Variants in HMGA2 observed in about 807,000 individuals in gnomAD.
HMGA2 encodes the protein high mobility group protein HMGI-C.
In HMGA2, 8 loss-of-function variants were observed where a neutral mutation model predicts 19.1. The observed-to-expected ratio is 0.42, with a 90% CI of 0.25 to 0.76. The LOEUF (loss-of-function observed/expected upper bound fraction) is 0.76. HMGA2 is among the 30% of genes least tolerant of loss of function. The pLI, the probability that HMGA2 is intolerant of heterozygous loss-of-function variation, is 0.28. For missense variants in HMGA2, 109 were observed against 136.3 expected, an observed-to-expected ratio of 0.80 and a Z score of 1.00; for synonymous variants, 60 against 48.8, an observed-to-expected ratio of 1.23 and a Z score of -0.96.
intron 3 of HMGA2, chr12:65,876,774 C>T (rs1873058567): frequency 6.6e-6 from 1 of 152,186 alleles, no homozygotes; most frequent in Admixed American, 6.5e-5. Flanking sequence ...CTCCGGAAAC[C>T]ATACCCCATA....
At chr12:65,946,071 T>G (rs1347024442) in intron 3 of HMGA2, among the ~76,000 whole-genome samples, 1 of 152,210 alleles carries the variant, frequency 6.6e-6, no homozygotes. Context: ...TCCTGTGAGA[T>G]GCTATTTTGT....
intron 3 of HMGA2, among the ~76,000 whole-genome samples, chr12:65,916,220 T>C (rs1875095897): frequency 6.6e-6 from 1 of 152,214 alleles, no homozygotes; most frequent in Non-Finnish European, 1.5e-5. Flanking sequence ...GCTGGTTCCA[T>C]GTTCAGTAAC....
rs1872809989 is a variant in HMGA2, at chr12:65,873,447, T to C, written c.249+34878T>C. ...AGTGTAGATGGCTATAGATAGTCAT[T>C]CATGAAGTCAAATGCACCAGTGGGA... is the stretch of plus-strand genomic sequence containing the variant. On this transcript the variant is annotated intron_variant, in intron 3 of 4. Coordinates refer to ENST00000403681, the MANE Select transcript of HMGA2 (RefSeq NM_003483.6). Among the ~76,000 whole-genome samples the C allele has an allele frequency of 2.0e-5, 3 of 152,160 alleles. No homozygotes were observed. The South Asian group carries it at 6.2e-4, about 32-fold the overall frequency.
chr12:65,928,833 T>G (rs1875607936), intron 3 of HMGA2, among the ~76,000 whole-genome samples: 2 of 152,240 alleles, frequency 1.3e-5, no homozygotes, highest in Admixed American at 6.5e-5. Flanking sequence ...CAGTTCATTG[T>G]TGAGTGAAAC....
intron 3 of HMGA2, chr12:65,873,913 A>T (rs957342630): frequency 6.6e-6 from 1 of 152,168 alleles, no homozygotes; most frequent in Non-Finnish European, 1.5e-5. Context: ...AAAATCAGAC[A>T]CCAAAAAAGG....
intron 3 of HMGA2, among the ~76,000 whole-genome samples, chr12:65,892,866 A>C (rs1873969164): frequency 1.3e-5 from 2 of 152,194 alleles, no homozygotes; most frequent in African/African-American, 4.8e-5. Flanking sequence ...GGCTGACTTC[A>C]AGCACAATTA....
intron 3 of HMGA2, chr12:65,858,903 A>C (rs1234892426): frequency 1.3e-5 from 2 of 152,220 alleles, no homozygotes; most frequent in African/African-American, 4.8e-5. Context: ...TTTTTGAAGA[A>C]ACACTCTTAA....
intron 3 of HMGA2, among the ~76,000 whole-genome samples, chr12:65,922,751 A>C (rs538555240): frequency 6.6e-6 from 1 of 152,272 alleles, no homozygotes; most frequent in South Asian, 2.1e-4. Context: ...TGTCAACTCA[A>C]ATTGTAGCTC....
At chr12:65,949,221 G>A (rs189348719) in intron 3 of HMGA2, among the ~76,000 whole-genome samples, 97 of 151,762 alleles carry the variant, frequency 6.4e-4, no homozygotes, top group Admixed American at 1.2e-3. Context: ...ATGGAAGAAC[G>A]TCTTTTCCTT....
At chr12:65,891,048 C>T (rs924564001) in intron 3 of HMGA2, among the ~76,000 whole-genome samples, 12 of 152,132 alleles carry the variant, frequency 7.9e-5, no homozygotes, top group Non-Finnish European at 8.8e-5. Context: ...TCAATATATT[C>T]GTATATGTGA....
At chr12:65,886,338 G>A (rs553817870) in intron 3 of HMGA2, among the ~76,000 whole-genome samples, 2 of 151,166 alleles carry the variant, frequency 1.3e-5, no homozygotes, top group African/African-American at 2.4e-5. Flanking sequence ...TTTCCTCCTC[G>A]CGGGGAGCTT....
intron 3 of HMGA2, among the ~76,000 whole-genome samples, chr12:65,849,931 C>T (rs1242574130): frequency 6.6e-6 from 1 of 151,926 alleles, no homozygotes; most frequent in African/African-American, 2.4e-5. Flanking sequence ...GTTGGCCAGG[C>T]TGGTCTCAAA....
chr12:65,908,437 AT>A (rs1252273728), intron 3 of HMGA2, among the ~76,000 whole-genome samples: 1 of 152,190 alleles, frequency 6.6e-6, no homozygotes, highest in Non-Finnish European at 1.5e-5. Context: ...TCAAAGTCTC[AT>A]TCAGTTGTCT....
chr12:65,932,669 A>G lies in HMGA2; in HGVS notation c.250-18714A>G, dbSNP rs1875757307. 2.6e-5 allele frequency among the ~76,000 whole-genome samples: 4 copies of G among 152,246 alleles called. No individual in the cohort carries two copies. In the South Asian group the frequency reaches 6.2e-4, roughly 24 times the overall value. ...GTGATAAATAGTGTGGAATGTATTTACCACCAGGCAGTAATGCCCTGTCCC... is the reference window on the plus strand; with the variant it reads ...GTGATAAATAGTGTGGAATGTATTTGCCACCAGGCAGTAATGCCCTGTCCC... On this transcript the variant is annotated intron_variant, in intron 3 of 4. Transcript: ENST00000403681.
intron 3 of HMGA2, among the ~76,000 whole-genome samples, chr12:65,950,121 G>T (rs1876407114): frequency 6.6e-6 from 1 of 152,184 alleles, no homozygotes; most frequent in South Asian, 2.1e-4. Flanking sequence ...CTGCAAAATG[G>T]TACAGCTGCT....
intron 3 of HMGA2, among the ~76,000 whole-genome samples, chr12:65,924,456 CACACACACACAG>C (rs1389155163): frequency 1.3e-5 from 2 of 152,124 alleles, no homozygotes; most frequent in Non-Finnish European, 2.9e-5. Context: ...TCCCTACACA[CACACACACACAG>C]ACACACACAT....
intron 2 of HMGA2, among the ~76,000 whole-genome samples, chr12:65,835,550 G>A (rs1350835127): frequency 1.3e-5 from 2 of 152,166 alleles, no homozygotes; most frequent in African/African-American, 4.8e-5. Flanking sequence ...TGATAATCGT[G>A]ATATTTTGCC....
At chr12:65,902,405 C>T (rs962429142) in intron 3 of HMGA2, among the ~76,000 whole-genome samples, 5 of 152,088 alleles carry the variant, frequency 3.3e-5, no homozygotes, top group African/African-American at 1.2e-4. Context: ...AAAAATGAGA[C>T]ATTATACTGG....
chr12:65,955,808 A>C (rs1876589292), intron 4 of HMGA2: 1 of 152,258 alleles, frequency 6.6e-6, no homozygotes, highest in African/African-American at 2.4e-5. Context: ...AAATCTCAGT[A>C]AGCCTTGATT....
Sources: gnomAD v4.1 joint callset for allele counts (sites outside exome capture counted in the v4.1 genomes callset) on GRCh38, gnomAD v4.1.1 for gene constraint, MANE v1.5 for transcripts, NCBI Gene and HGNC (gene_info 2026-07-23, HGNC 2026-07-21) for gene names.